The following SNTG2 variants were observed in gnomAD, a reference collection of about 807,000 sequenced individuals.
The protein encoded by SNTG2 is gamma-2-syntrophin.
In SNTG2, 74 loss-of-function variants were observed where a neutral mutation model predicts 70.9. The observed-to-expected ratio is 1.04, with a 90% CI of 0.86 to 1.27. The LOEUF (loss-of-function observed/expected upper bound fraction) is 1.27, where lower values mean the gene tolerates loss of function less well. SNTG2 is among the 50% of genes most tolerant of loss of function. SNTG2 has a pLI of 0.00. For missense variants in SNTG2, 717 were observed against 690.7 expected, an observed-to-expected ratio of 1.04 and a Z score of -0.43; for synonymous variants, 278 against 273.8, an observed-to-expected ratio of 1.02 and a Z score of -0.15.
intron 13 of SNTG2, among the ~76,000 whole-genome samples, chr2:1,263,601 T>C (rs1558612106): frequency 6.6e-6 from 1 of 152,182 alleles, no homozygotes; most frequent in Non-Finnish European, 1.5e-5. Context: ...AATGCTGTTC[T>C]GGATATTGCC....
intron 1 of SNTG2, among the ~76,000 whole-genome samples, chr2:1,029,627 T>C (rs1027423249): frequency 1.3e-5 from 2 of 152,336 alleles, no homozygotes; most frequent in East Asian, 1.9e-4. Flanking sequence ...CGTGAGAGCA[T>C]GACCTTACAC....
intron 1 of SNTG2, among the ~76,000 whole-genome samples, chr2:1,014,315 G>A (rs1316195962): frequency 4.5e-5 from 3 of 66,198 alleles, no homozygotes; most frequent in African/African-American, 5.4e-5. Flanking sequence ...GTGGTCTGTA[G>A]AGGGATTTAT....
rs1419399003 is a variant in SNTG2, at chr2:1,316,247, A to G, written c.1378-18A>G. 2.4e-6 allele frequency: 3 copies of G among 1,274,314 alleles called. No homozygotes were observed. The African/African-American group carries it at 4.5e-5, about 19-fold the overall frequency. The allele number at this position is 1,274,314 out of a possible 1,614,324, so 78.9% of individuals were successfully genotyped here. ...AGCTCTTGTTTAGAAATCGCTAATT[A>G]ATTTTATTCCTTTACAGAATGTGCT... On this transcript the variant is annotated intron_variant, in intron 15 of 16. Coordinates refer to ENST00000308624, the MANE Select transcript of SNTG2 (RefSeq NM_018968.4).
intron 11 of SNTG2, among the ~76,000 whole-genome samples, chr2:1,244,744 A>T (rs2148125381): frequency 6.6e-6 from 1 of 151,068 alleles, no homozygotes; most frequent in Non-Finnish European, 1.5e-5. Context: ...GAACTCAGGC[A>T]ATTTCCTACA....
chr2:1,173,246 C>A, intron 8 of SNTG2, 63 bp downstream of exon 8: 2 of 1,425,066 alleles, frequency 1.4e-6, no homozygotes, highest in Non-Finnish European at 9.9e-7. Flanking sequence ...CAGAGATAAT[C>A]TCTAGACAGA....
At chr2:1,115,778 C>G (rs1011141491) in intron 4 of SNTG2, among the ~76,000 whole-genome samples, 1 of 152,196 alleles carries the variant, frequency 6.6e-6, no homozygotes, top group South Asian at 2.1e-4. Context: ...TGATGTTTAA[C>G]CCTTACAGTC....
intron 11 of SNTG2, among the ~76,000 whole-genome samples, chr2:1,245,337 G>A (rs768629129): frequency 1.1e-4 from 17 of 152,108 alleles, no homozygotes; most frequent in South Asian, 6.2e-4. Flanking sequence ...TCAAATGTGC[G>A]TAAGATGACC....
intron 14 of SNTG2, among the ~76,000 whole-genome samples, chr2:1,304,405 C>G (rs749197129): frequency 6.6e-6 from 1 of 151,980 alleles, no homozygotes; most frequent in African/African-American, 2.4e-5. Context: ...CTGTGGCATC[C>G]TGTTCTTGGT....
chr2:1,112,669 G>C (rs1052879114), intron 4 of SNTG2, among the ~76,000 whole-genome samples: 56 of 151,284 alleles, frequency 3.7e-4, no homozygotes, highest in Admixed American at 2.0e-4. Flanking sequence ...AACCCTTACA[G>C]TCCTTTGAGG....
chr2:1,080,316 T>G (rs1305421769), intron 1 of SNTG2, among the ~76,000 whole-genome samples: 1 of 152,220 alleles, frequency 6.6e-6, no homozygotes, highest in Non-Finnish European at 1.5e-5. Flanking sequence ...GAGTGCGTCC[T>G]TCCAGACACT....
At chr2:1,177,331 G>A (rs1295815182) in intron 8 of SNTG2, among the ~76,000 whole-genome samples, 1 of 152,026 alleles carries the variant, frequency 6.6e-6, no homozygotes, top group Admixed American at 6.6e-5. Flanking sequence ...AGGGGTGGGG[G>A]CCATGGTGGG....
intron 1 of SNTG2, among the ~76,000 whole-genome samples, chr2:1,016,531 A>G (rs920629542): frequency 1.4e-5 from 2 of 144,822 alleles, no homozygotes; most frequent in Non-Finnish European, 3.2e-5. Flanking sequence ...GTGAGCCACC[A>G]CGCCCGGCCG....
At chr2:1,034,624 T>C (rs1661030777) in intron 1 of SNTG2, among the ~76,000 whole-genome samples, 2 of 152,194 alleles carry the variant, frequency 1.3e-5, no homozygotes, top group Admixed American at 1.3e-4. Context: ...GCATCTGTTA[T>C]TTTGTGAGTT....
intron 1 of SNTG2, among the ~76,000 whole-genome samples, chr2:1,017,342 T>C (rs780747018): frequency 4.1e-4 from 62 of 152,228 alleles, no homozygotes; most frequent in Admixed American, 3.3e-4. Flanking sequence ...CTCAAGTATA[T>C]CTTTTTAAAA....
intron 6 of SNTG2, among the ~76,000 whole-genome samples, chr2:1,146,106 T>G (rs183847913): frequency 6.6e-6 from 1 of 152,202 alleles, no homozygotes; most frequent in African/African-American, 2.4e-5. Context: ...TAGATAATGG[T>G]GAGAAACTAG....
chr2:1,225,621 C>A (rs546026091), intron 9 of SNTG2, among the ~76,000 whole-genome samples: 1 of 152,168 alleles, frequency 6.6e-6, no homozygotes, highest in African/African-American at 2.4e-5. Context: ...TTTGAGCCAG[C>A]GCTTCTGTCA....
At chr2:1,180,373 A>C (rs1267756473) in intron 8 of SNTG2, among the ~76,000 whole-genome samples, 10 of 119,736 alleles carry the variant, frequency 8.4e-5, no homozygotes, top group Non-Finnish European at 1.4e-4. Context: ...ATTTACAAGA[A>C]AAAAACAAAC....
intron 14 of SNTG2, among the ~76,000 whole-genome samples, chr2:1,294,180 A>G (rs574990647): frequency 1.3e-5 from 2 of 152,294 alleles, no homozygotes; most frequent in African/African-American, 4.8e-5. Flanking sequence ...GGTATGCTGA[A>G]CAACTCCCAC....
At chr2:1,254,761 A>C (rs1402301624) in intron 12 of SNTG2, among the ~76,000 whole-genome samples, 1 of 152,164 alleles carries the variant, frequency 6.6e-6, no homozygotes, top group Middle Eastern at 3.2e-3. Flanking sequence ...TATTAGGAAA[A>C]CCATAGTGAT....
Sources: gnomAD v4.1 joint callset for allele counts (sites outside exome capture counted in the v4.1 genomes callset) on GRCh38, gnomAD v4.1.1 for gene constraint, MANE v1.5 for transcripts, NCBI Gene and HGNC (gene_info 2026-07-23, HGNC 2026-07-21) for gene names.